Variants in RBFOX1 observed in about 807,000 individuals in gnomAD.
RBFOX1 encodes the protein RNA binding protein fox-1 homolog 1.
In RBFOX1, 8 loss-of-function variants were observed where a neutral mutation model predicts 57.7. The ratio of observed to expected loss-of-function variants is 0.14; its 90% confidence interval spans 0.08 to 0.25. The LOEUF (loss-of-function observed/expected upper bound fraction) is 0.25. RBFOX1 is among the 10% of genes least tolerant of loss of function. The pLI is 1.00. For synonymous variants in RBFOX1, 326 were observed against 222.4 expected (o/e 1.47, Z -4.15); for missense variants, 611 against 548.5 (o/e 1.11, Z -1.14).
At chr16:6,328,008 A>G (rs190255070) in intron 2 of RBFOX1, among the ~76,000 whole-genome samples, 3 of 152,324 alleles carry the variant, frequency 2.0e-5, no homozygotes, top group Admixed American at 2.0e-4. Context: ...GTGCATTGCC[A>G]ATTTGCAGTT....
intron 1 of RBFOX1, among the ~76,000 whole-genome samples, chr16:6,085,687 C>T (rs539268100): frequency 7.0e-4 from 91 of 129,830 alleles, no homozygotes; most frequent in African/African-American, 1.6e-3. Context: ...TGTGCATGCG[C>T]GCACGCACAT....
intron 4 of RBFOX1, among the ~76,000 whole-genome samples, chr16:7,094,775 T>TGTGG (rs879519332): frequency 0.024 from 3,317 of 139,702 alleles, 52 homozygotes; most frequent in Middle Eastern, 0.037. Flanking sequence ...TGTGTGTGTG[T>TGTGG]GGGTGTGTGT....
chr16:6,860,140 T>A (rs1410180737), intron 3 of RBFOX1, among the ~76,000 whole-genome samples: 1 of 152,178 alleles, frequency 6.6e-6, no homozygotes, highest in Non-Finnish European at 1.5e-5. Context: ...TTCACTGCTT[T>A]CCTGGCATAT....
intron 3 of RBFOX1, among the ~76,000 whole-genome samples, chr16:5,815,663 G>C (rs1567577813): frequency 6.6e-6 from 1 of 152,140 alleles, no homozygotes; most frequent in Admixed American, 6.5e-5. Context: ...GGTGTGTGAA[G>C]GTCCTCAAAG....
intron 3 of RBFOX1, among the ~76,000 whole-genome samples, chr16:6,842,004 G>A (rs1012385137): frequency 1.3e-5 from 2 of 151,680 alleles, no homozygotes; most frequent in African/African-American, 4.8e-5. Flanking sequence ...TTAGCCGGGC[G>A]TGGTGGCGGG....
rs546675234 is a variant in RBFOX1 at position 5,661,126 on chromosome 16, C to T, written c.318+62165C>T. On this transcript the variant is annotated intron_variant, in intron 3 of 19. Transcript: ENST00000641259. ...AAAGAAAGGAAACTTAAAAGGCCTC[C>T]TGTCTTTCCTCACTATATATCTCTT... 3.9e-4 allele frequency among the ~76,000 whole-genome samples: 60 copies of T among 152,334 alleles called. No homozygotes were observed. In the South Asian group the frequency reaches 6.4e-3, roughly 16 times the overall value.
At position 6,040,109 on chromosome 16, in the gene RBFOX1, G is replaced by C. The variant is rs187678957; in HGVS notation, c.-127+20117G>C. Among the ~76,000 whole-genome samples the C allele has an allele frequency of 2.0e-3, 308 of 152,234 alleles. 1 individual carries two copies. The highest frequency in any genetic ancestry group is 5.4e-3 in the Admixed American group (83 of 15,290). ...TATTTGTTACAATTCATGAACACACGTTATTACATTACATTTTTATTAAAG... is the reference window on the plus strand; with the variant it reads ...TATTTGTTACAATTCATGAACACACCTTATTACATTACATTTTTATTAAAG... On this transcript the variant is annotated intron_variant, in intron 1 of 15. Transcript: ENST00000550418.
intron 3 of RBFOX1, among the ~76,000 whole-genome samples, chr16:6,663,163 G>A (rs1326729991): frequency 6.6e-6 from 1 of 152,148 alleles, no homozygotes; most frequent in Non-Finnish European, 1.5e-5. Context: ...TAGGAGATGG[G>A]GAGGAGGAAG....
chr16:5,445,529 C>G (rs1278216726), intron 1 of RBFOX1, among the ~76,000 whole-genome samples: 1 of 152,204 alleles, frequency 6.6e-6, no homozygotes, highest in Non-Finnish European at 1.5e-5. Flanking sequence ...AGTCAATGCA[C>G]TCCTACTTGT....
chr16:7,676,635 C>G, intron 13 of RBFOX1, 139 bp from the exon 14 acceptor site: 1 of 713,378 alleles, frequency 1.4e-6, no homozygotes, highest in South Asian at 1.8e-5. Flanking sequence ...TGTATTTTCG[C>G]TTTGATACTA....
chr16:6,911,844 A>G (rs2071696418), intron 3 of RBFOX1, among the ~76,000 whole-genome samples: 1 of 152,150 alleles, frequency 6.6e-6, no homozygotes, highest in Non-Finnish European at 1.5e-5. Context: ...AAATCTCAGT[A>G]AAGTGATTTT....
chr16:6,524,577 T>C (rs945141824), intron 2 of RBFOX1, among the ~76,000 whole-genome samples: 3 of 152,166 alleles, frequency 2.0e-5, no homozygotes, highest in Non-Finnish European at 4.4e-5. Context: ...GAGTTTGTTT[T>C]GTGTTAAAAG....
chr16:5,736,478 C>T (rs1236805149), intron 3 of RBFOX1, among the ~76,000 whole-genome samples: 1 of 152,126 alleles, frequency 6.6e-6, no homozygotes, highest in East Asian at 1.9e-4. Flanking sequence ...CGTTTCCCTC[C>T]CCGACTCTCC....
At chr16:6,358,911 A>C (rs1309039519) in intron 2 of RBFOX1, among the ~76,000 whole-genome samples, 2 of 152,234 alleles carry the variant, frequency 1.3e-5, no homozygotes, top group Non-Finnish European at 2.9e-5. Flanking sequence ...AGTTCGAAAC[A>C]TGAAGGGTAG....
chr16:7,116,880 G>T (rs935373080), intron 4 of RBFOX1, among the ~76,000 whole-genome samples: 14 of 152,248 alleles, frequency 9.2e-5, no homozygotes, highest in African/African-American at 3.4e-4. Flanking sequence ...ATCAACACAA[G>T]ATTTAAATAA....
chr16:5,629,909 G>A (rs2191095), intron 3 of RBFOX1, among the ~76,000 whole-genome samples: 10,721 of 152,138 alleles, frequency 0.07, 1,204 homozygotes, highest in African/African-American at 0.24. Context: ...GGTGTTGTAG[G>A]GAGGAGTCAG....
chr16:5,801,227 A>G (rs1429134843), intron 3 of RBFOX1, among the ~76,000 whole-genome samples: 1 of 152,194 alleles, frequency 6.6e-6, no homozygotes, highest in Admixed American at 6.5e-5. Flanking sequence ...CTAATTATAA[A>G]TGCAATTAAA....
At chr16:6,563,166 C>G (rs765446660) in intron 2 of RBFOX1, among the ~76,000 whole-genome samples, 4 of 152,070 alleles carry the variant, frequency 2.6e-5, no homozygotes, top group Non-Finnish European at 5.9e-5. Context: ...TGTTGTCGTC[C>G]TTTGTGACTC....
At chr16:5,429,675 A>G (rs148411883) in intron 1 of RBFOX1, among the ~76,000 whole-genome samples, 3 of 152,148 alleles carry the variant, frequency 2.0e-5, no homozygotes, top group Admixed American at 6.5e-5. Context: ...GTTCAACCCT[A>G]CCTCTGAGGG....
Sources: allele counts gnomAD v4.1 joint callset (sites outside exome capture counted in the v4.1 genomes callset), GRCh38; gene constraint gnomAD v4.1.1; transcripts MANE v1.5; gene names NCBI Gene and HGNC (gene_info 2026-07-23, HGNC 2026-07-21).